The following STK38L variants were observed in gnomAD, a reference collection of about 807,000 sequenced individuals.
STK38L encodes serine/threonine kinase 38 like.
In STK38L, 28 loss-of-function variants were observed where a neutral mutation model predicts 59.7. The ratio of observed to expected loss-of-function variants is 0.47; its 90% CI spans 0.35 to 0.64. STK38L has a LOEUF of 0.64. STK38L is among the 30% of genes least tolerant of loss of function. The pLI is 0.01. For missense variants in STK38L, 314 were observed against 555.8 expected (o/e 0.56, Z 4.37); for synonymous variants, 162 against 176.8 (o/e 0.92, Z 0.66).
intron 1 of STK38L, among the ~76,000 whole-genome samples, chr12:27,261,908 T>C (rs1380956764): frequency 3.9e-5 from 6 of 152,252 alleles, no homozygotes; most frequent in Non-Finnish European, 8.8e-5. Context: ...CCTTACATAT[T>C]ATTAACTAAT....
intron 3 of STK38L, among the ~76,000 whole-genome samples, chr12:27,306,294 T>C (rs1255608613): frequency 6.6e-6 from 1 of 152,166 alleles, no homozygotes; most frequent in Non-Finnish European, 1.5e-5. Context: ...TGTACTGTTT[T>C]ATAATCTATA....
intron 1 of STK38L, among the ~76,000 whole-genome samples, chr12:27,251,082 C>T (rs1437590736): frequency 1.3e-5 from 2 of 151,806 alleles, no homozygotes; most frequent in Admixed American, 6.6e-5. Context: ...AAAAACTTCT[C>T]CTTTTCTCTT....
intron 12 of STK38L, 137 bp downstream of exon 12, chr12:27,319,560 T>C (rs1479030426): frequency 1.8e-6 from 1 of 569,766 alleles, no homozygotes; most frequent in Non-Finnish European, 3.1e-6. Context: ...TTTTCTGGAT[T>C]ATGTAAGTGA....
At chr12:27,276,764 A>T (rs770325538) in intron 1 of STK38L, among the ~76,000 whole-genome samples, 4 of 152,220 alleles carry the variant, frequency 2.6e-5, no homozygotes, top group Non-Finnish European at 5.9e-5. Flanking sequence ...GCAAACATAC[A>T]CAAAGTTATG....
intron 5 of STK38L, among the ~76,000 whole-genome samples, chr12:27,310,655 T>A (rs975048906): frequency 2.6e-5 from 4 of 152,248 alleles, no homozygotes; most frequent in African/African-American, 7.2e-5. Flanking sequence ...TAAACTGTAT[T>A]ATTAAAAATA....
rs191809701 is a variant in STK38L, at chr12:27,322,337, C to A, written c.1277C>A (p.Thr426Asn). Residue 426 changes from threonine to asparagine, a missense_variant, in exon 14 of 14, where the codon ACC (threonine) becomes AAC (asparagine). Coordinates refer to ENST00000389032, the MANE Select transcript of STK38L (RefSeq NM_015000.4). ...ESDILQPVPN[T>N]TEPDYKSKDW... ...TTTTTTCTCTTTCTAGTGCCAAATA[C>A]CACAGAACCGGACTACAAATCCAAA... 3 of 1,613,892 alleles carry A rather than the reference C, an allele frequency of 1.9e-6. No homozygotes were observed. In the Admixed American group the frequency reaches 5.0e-5, roughly 27 times the overall value.
intron 1 of STK38L, among the ~76,000 whole-genome samples, chr12:27,257,833 G>A (rs7968499): frequency 0.38 from 57,761 of 151,472 alleles, 11,270 homozygotes; most frequent in Admixed American, 0.47. Context: ...AATTTTAGGG[G>A]CAGCCATTTC....
chr12:27,315,324 A>G lies in STK38L; in HGVS notation c.811A>G (p.Thr271Ala). 1 of 1,613,770 alleles carries G rather than the reference A, an allele frequency of 6.2e-7. No homozygotes were observed. The highest frequency in any genetic ancestry group is 8.5e-7 in the Non-Finnish European group (1 of 1,179,830). Residue 271 changes from threonine (T) to alanine (A), a missense_variant, in exon 9 of 14, where the codon ACT becomes GCT. Physicochemically the swap from Thr to Ala is moderately conservative, Grantham distance 58. This residue lies in a region of STK38L where 28 missense variants were observed against 96.7 expected (regional missense o/e 0.29). Transcript: ENST00000389032. ...CATGAACTCAAAGAGGAAAGCAGAAACTTGGAAGAAGAACAGGAGACAACT... is the reference window on the plus strand; with the variant it reads ...CATGAACTCAAAGAGGAAAGCAGAAGCTTGGAAGAAGAACAGGAGACAACT... ...QNMNSKRKAE[T>A]WKKNRRQLAY...
At chr12:27,295,558 CA>C (rs1943998621) in intron 1 of STK38L, among the ~76,000 whole-genome samples, 1 of 152,186 alleles carries the variant, frequency 6.6e-6, no homozygotes, top group Non-Finnish European at 1.5e-5. Flanking sequence ...TCCCTCCCCC[CA>C]ATCAATAGGT....
At chr12:27,266,915 G>A (rs1418524281) in intron 1 of STK38L, among the ~76,000 whole-genome samples, 2 of 152,182 alleles carry the variant, frequency 1.3e-5, no homozygotes, top group East Asian at 1.9e-4. Flanking sequence ...TTTTTCAAAC[G>A]TATTTGACTC....
chr12:27,318,022 T>C lies in STK38L; in HGVS notation c.1079+3T>C. 6.2e-7 allele frequency: 1 copy of C among 1,613,748 alleles called. No individual in the cohort carries two copies. On this transcript the variant is annotated splice_donor_region_variant and intron_variant, in intron 11 of 13. Coordinates refer to ENST00000389032, the MANE Select transcript of STK38L (RefSeq NM_015000.4). ...AAAGCCAAGGACTTAATTCTCAGGTTAGTGGTTAAATTCCTAGAGGAGTTC... is the reference window on the plus strand; with the variant it reads ...AAAGCCAAGGACTTAATTCTCAGGTCAGTGGTTAAATTCCTAGAGGAGTTC...
chr12:27,247,966 A>G (rs182825485), intron 1 of STK38L, among the ~76,000 whole-genome samples: 61 of 151,076 alleles, frequency 4.0e-4, no homozygotes, highest in African/African-American at 1.4e-3. Flanking sequence ...AGGTGTGCAC[A>G]AGCACGCCCG....
chr12:27,305,274 TTCTGG>T (rs1944282424), intron 3 of STK38L, among the ~76,000 whole-genome samples: 1 of 152,260 alleles, frequency 6.6e-6, no homozygotes, highest in South Asian at 2.1e-4. Flanking sequence ...TGTTTGCAAC[TTCTGG>T]TCTGCATCAG....
chr12:27,303,749 A>G (rs1944238588), intron 3 of STK38L, among the ~76,000 whole-genome samples: 1 of 152,200 alleles, frequency 6.6e-6, no homozygotes, highest in South Asian at 2.1e-4. Context: ...ATTGATTTGA[A>G]TTGTAAAGAA....
At chr12:27,277,273 G>A (rs532403040) in intron 1 of STK38L, among the ~76,000 whole-genome samples, 3 of 152,088 alleles carry the variant, frequency 2.0e-5, no homozygotes, top group Admixed American at 2.0e-4. Context: ...AAAGCACTTT[G>A]GGAAGCTGAG....
At chr12:27,251,346 G>A (rs7307524) in intron 1 of STK38L, among the ~76,000 whole-genome samples, 117,175 of 152,204 alleles carry the variant, frequency 0.77, 46,020 homozygotes, top group East Asian at 1. Context: ...TTTATGAAGC[G>A]TTTTTACACA....
At chr12:27,275,679 T>G (rs1404413664) in intron 1 of STK38L, among the ~76,000 whole-genome samples, 1 of 152,142 alleles carries the variant, frequency 6.6e-6, no homozygotes, top group Non-Finnish European at 1.5e-5. Flanking sequence ...CTGTGTCACT[T>G]AACTTTGAAT....
chr12:27,312,287 TTCTTGCTCTACC>T (rs1168649837), intron 5 of STK38L, among the ~76,000 whole-genome samples: 1 of 152,208 alleles, frequency 6.6e-6, no homozygotes, highest in Non-Finnish European at 1.5e-5. Flanking sequence ...GTTAGACTGA[TTCTTGCTCTACC>T]TCAGAGGCCT....
intron 1 of STK38L, among the ~76,000 whole-genome samples, chr12:27,273,501 G>A (rs756020661): frequency 2.6e-5 from 4 of 152,210 alleles, no homozygotes; most frequent in Admixed American, 6.5e-5. Context: ...TAGGGCTAAT[G>A]TGAGGATCAA....
Sources: allele counts gnomAD v4.1 joint callset (sites outside exome capture counted in the v4.1 genomes callset), GRCh38; gene constraint gnomAD v4.1.1; regional missense constraint gnomAD v4.1.1; transcripts MANE v1.5; gene names NCBI Gene and HGNC (gene_info 2026-07-23, HGNC 2026-07-21).